The following LY6G6C variants were observed in gnomAD, a reference collection of about 807,000 sequenced individuals.
LY6G6C encodes lymphocyte antigen 6 complex locus protein G6c.
A neutral mutation model predicts 12.8 loss-of-function variants in LY6G6C; 12 were observed. The observed-to-expected ratio is 0.94, with a 90% confidence interval of 0.60 to 1.52. LY6G6C has a LOEUF of 1.52. Among genes scored for constraint, LY6G6C ranks in the 40% most tolerant of loss-of-function variants. LY6G6C has a pLI of 0.00. For missense variants in LY6G6C, 125 were observed against 155.8 expected (o/e 0.80, Z 1.05); for synonymous variants, 42 against 61.6 (o/e 0.68, Z 1.49).
intron 1 of LY6G6C, 97 bp downstream of exon 1, chr6:31,721,531 G>T (rs1228669361): frequency 4.4e-6 from 5 of 1,140,872 alleles, no homozygotes; most frequent in Non-Finnish European, 6.4e-6. Flanking sequence ...TGGGGGTGTT[G>T]GGATCCCGAG....
In LY6G6C at chr6:31,718,846, T is replaced by G; in HGVS notation, c.*250A>C. On this transcript the variant is annotated 3_prime_UTR_variant, in exon 3 of 3. Coordinates refer to ENST00000375819, the MANE Select transcript of LY6G6C (RefSeq NM_025261.3). ...TCCTCAAGTAGGGGACAGCAGAGTA[T>G]AGGAAGCAAAGTGGGGAGCCCTTCT... 1.8e-6 allele frequency: 1 copy of G among 566,408 alleles called. No individual in the cohort carries two copies. The highest frequency in any genetic ancestry group is 3.1e-6 in the Non-Finnish European group (1 of 318,044). 35.1% of individuals were successfully genotyped at this position (566,408 alleles called of 1,614,324 possible).
chr6:31,719,360 C>A, intron 2 of LY6G6C, 50 bp from the exon 3 acceptor site: 2 of 1,513,340 alleles, frequency 1.3e-6, no homozygotes, highest in Non-Finnish European at 1.8e-6. Flanking sequence ...ACCTGGCATG[C>A]CTGTGTCCAC....
chr6:31,720,001 T>C lies in LY6G6C; in HGVS notation c.163+92A>G. Reference sequence around the variant, plus strand: ...ATTATCATTGCTATAATCCTCTGCTTCTCCATCTCAGTCTTAGACCCATTT... The same window carrying C: ...ATTATCATTGCTATAATCCTCTGCTCCTCCATCTCAGTCTTAGACCCATTT... On this transcript the variant is annotated intron_variant, in intron 2 of 2. Coordinates refer to ENST00000375819, the MANE Select transcript of LY6G6C (RefSeq NM_025261.3). The surrounding 1 kb of genome is among the most constrained non-coding windows in gnomAD (Gnocchi z 4.9). 1 of 789,862 alleles carries C rather than the reference T, an allele frequency of 1.3e-6. No homozygotes were observed. The allele number at this position is 789,862 out of a possible 1,614,324, so 48.9% of individuals were successfully genotyped here. A position where few individuals can be genotyped will look rare whatever the true frequency, so the allele number is the denominator to read the frequency against.
intron 2 of LY6G6C, 40 bp from the exon 3 acceptor site, chr6:31,719,350 ACCTGGCATG>A: frequency 6.4e-7 from 1 of 1,571,362 alleles, no homozygotes; most frequent in South Asian, 1.1e-5. Flanking sequence ...CAGGATGGGC[ACCTGGCATG>A]CCTGTGTCCA....
chr6:31,719,472 A>G (rs1451829812), intron 2 of LY6G6C, among the ~76,000 whole-genome samples, 162 bp from the exon 3 acceptor site: 1 of 150,432 alleles, frequency 6.6e-6, no homozygotes, highest in African/African-American at 2.5e-5. Context: ...GCACATCCTT[A>G]CCCACCACTC....
chr6:31,718,986 G>T lies in LY6G6C; in HGVS notation c.*110C>A. On this transcript the variant is annotated 3_prime_UTR_variant, in exon 3 of 3. Transcript: ENST00000375819. ...CCACTCGGAACAGTGTTTAATTAAA[G>T]AAATGGGAGCTAGGGAGAGACGATT... 2.2e-6 allele frequency: 2 copies of T among 899,734 alleles called. No individual in the cohort carries two copies. The highest frequency in any genetic ancestry group is 3.5e-6 in the Non-Finnish European group (2 of 568,258). 55.7% of individuals were successfully genotyped at this position (899,734 alleles called of 1,614,324 possible).
At chr6:31,719,452 T>G (rs527788828) in intron 2 of LY6G6C, 142 bp from the exon 3 acceptor site, 5 of 685,760 alleles carry the variant, frequency 7.3e-6, no homozygotes, top group South Asian at 6.9e-5. Flanking sequence ...CTTAGTCTGA[T>G]CTTCCTTCTG....
rs774700588 is a variant in LY6G6C, at chr6:31,719,102, C to T, written c.372G>A (p.Leu124=). 1.9e-6 allele frequency: 3 copies of T among 1,613,340 alleles called. No homozygotes were observed. Among genetic ancestry groups the T allele is most frequent in the South Asian group, 1.1e-5 (1 of 91,052 alleles). ...TSLAGLGLWL[L]H ...GCAGCCAATGGAATGAGTCTCAGTG[C>T]AGCAGCCAGAGGCCAAGGCCAGCCA... The change falls in exon 3 of 3, where the codon CTG becomes CTA. Residue 124 remains leucine, a synonymous_variant. Coordinates refer to ENST00000375819, the MANE Select transcript of LY6G6C (RefSeq NM_025261.3).
Position 31,720,268 on chromosome 6 carries a change from G to A in LY6G6C, c.53-65C>T. Reference sequence around the variant, plus strand: ...GACTTACCTGGGGATAAGCTGAGCTGGGGGCAGGGGTGGAGGGTGGAGAAG... The same window carrying A: ...GACTTACCTGGGGATAAGCTGAGCTAGGGGCAGGGGTGGAGGGTGGAGAAG... On this transcript the variant is annotated intron_variant, in intron 1 of 2. Transcript: ENST00000375819. The surrounding 1 kb of genome is among the most constrained non-coding windows in gnomAD (Gnocchi z 4.9). 8.5e-7 allele frequency: 1 copy of A among 1,183,430 alleles called. No homozygotes were observed. The highest frequency in any genetic ancestry group is 1.3e-6 in the Non-Finnish European group (1 of 797,422). 73.3% of individuals were successfully genotyped at this position (1,183,430 alleles called of 1,614,324 possible). A position where few individuals can be genotyped will look rare whatever the true frequency, so the allele number is the denominator to read the frequency against.
chr6:31,721,556 G>C, intron 1 of LY6G6C, 72 bp downstream of exon 1: 3 of 1,440,900 alleles, frequency 2.1e-6, no homozygotes, highest in Non-Finnish European at 9.7e-7. Context: ...GGGTAGGGCC[G>C]GGAAGTGGGT....
At position 31,720,327 on chromosome 6, in the gene LY6G6C, T is replaced by C; in HGVS notation, c.53-124A>G. 2 of 662,402 alleles carry C rather than the reference T, an allele frequency of 3.0e-6. No individual in the cohort carries two copies. The highest frequency in any genetic ancestry group is 3.5e-5 in the South Asian group (2 of 56,426). The allele number at this position is 662,402 out of a possible 1,614,324, so 41.0% of individuals were successfully genotyped here. ...CCGTAGGTGCTCCAACCTGTTTGGC[T>C]GTTTGGTCTAGCAAGCACAGAGCAG... On this transcript the variant is annotated intron_variant, in intron 1 of 2. Transcript: ENST00000375819. This position sits in a 1 kb window ranked among gnomAD's most constrained non-coding sequence, Gnocchi z 4.9.
At chr6:31,721,584 T>A (rs1259125973) in intron 1 of LY6G6C, 44 bp downstream of exon 1, 2 of 1,589,730 alleles carry the variant, frequency 1.3e-6, no homozygotes, top group Non-Finnish European at 8.6e-7. Flanking sequence ...GGTGTAAAGG[T>A]CCTGACCAGG....
chr6:31,721,471 C>T (rs1204480489), intron 1 of LY6G6C, among the ~76,000 whole-genome samples, 157 bp downstream of exon 1: 2 of 151,790 alleles, frequency 1.3e-5, no homozygotes, highest in Non-Finnish European at 2.9e-5. Context: ...AGGAGGCTGT[C>T]ATAGGGAAGC....
At chr6:31,719,343 G>C (rs764096842) in intron 2 of LY6G6C, 33 bp from the exon 3 acceptor site, 1 of 1,597,442 alleles carries the variant, frequency 6.3e-7, no homozygotes, top group Admixed American at 1.7e-5. Flanking sequence ...AATCGGCCAG[G>C]ATGGGCACCT....
At position 31,720,061 on chromosome 6, in the gene LY6G6C, C is replaced by T; in HGVS notation, c.163+32G>A. 2.6e-6 allele frequency: 4 copies of T among 1,514,754 alleles called. No homozygotes were observed. The highest frequency in any genetic ancestry group is 3.7e-6 in the Non-Finnish European group (4 of 1,091,806). 93.8% of individuals were successfully genotyped at this position (1,514,754 alleles called of 1,614,324 possible). A position where few individuals can be genotyped will look rare whatever the true frequency, so the allele number is the denominator to read the frequency against. Reference sequence around the variant, plus strand: ...TCCTGGTCATAGAGGCTCCCACCTCCCTGTTCACCCCACTAAGGAAGGGGA... The same window carrying T: ...TCCTGGTCATAGAGGCTCCCACCTCTCTGTTCACCCCACTAAGGAAGGGGA... On this transcript the variant is annotated intron_variant, in intron 2 of 2. Transcript: ENST00000375819. This position sits in a 1 kb window ranked among gnomAD's most constrained non-coding sequence, Gnocchi z 4.9.
chr6:31,719,410 C>T, intron 2 of LY6G6C, 100 bp from the exon 3 acceptor site: 2 of 971,742 alleles, frequency 2.1e-6, no homozygotes, highest in Non-Finnish European at 3.3e-6. Context: ...CCTTCCTTCC[C>T]AACTCTGTCC....
chr6:31,720,277 G>T lies in LY6G6C; in HGVS notation c.53-74C>A. 9.6e-7 allele frequency: 1 copy of T among 1,040,516 alleles called. No homozygotes were observed. Among genetic ancestry groups the T allele is most frequent in the Non-Finnish European group, 1.5e-6 (1 of 674,782 alleles). 64.5% of individuals were successfully genotyped at this position (1,040,516 alleles called of 1,614,324 possible). On this transcript the variant is annotated intron_variant, in intron 1 of 2. Transcript: ENST00000375819. The surrounding 1 kb of genome is among the most constrained non-coding windows in gnomAD (Gnocchi z 4.9). ...GGGGATAAGCTGAGCTGGGGGCAGG[G>T]GTGGAGGGTGGAGAAGAGCCCATCC...
In LY6G6C at chr6:31,718,952, A is replaced by G; in HGVS notation, c.*144T>C. 4.4e-6 allele frequency: 3 copies of G among 681,418 alleles called. No individual in the cohort carries two copies. Among genetic ancestry groups the G allele is most frequent in the Non-Finnish European group, 7.5e-6 (3 of 399,298 alleles). 42.2% of individuals were successfully genotyped at this position (681,418 alleles called of 1,614,324 possible). A position where few individuals can be genotyped will look rare whatever the true frequency, so the allele number is the denominator to read the frequency against. On this transcript the variant is annotated 3_prime_UTR_variant, in exon 3 of 3. Transcript: ENST00000375819. ...GAAGGGTGTGAGGTGGGAAGGATGG[A>G]TGAGGAGACCACTCGGAACAGTGTT... is the stretch of plus-strand genomic sequence containing the variant.
chr6:31,719,947 G>A, intron 2 of LY6G6C, 146 bp downstream of exon 2: 3 of 601,444 alleles, frequency 5.0e-6, no homozygotes, highest in Non-Finnish European at 9.0e-6. Context: ...ATAGGATGTT[G>A]CCTGGCACAC....
Sources: gnomAD v4.1 joint callset for allele counts (sites outside exome capture counted in the v4.1 genomes callset) on GRCh38, gnomAD v4.1.1 for gene constraint, Gnocchi (gnomAD v3.1) non-coding constraint, MANE v1.5 for transcripts, NCBI Gene and HGNC (gene_info 2026-07-23, HGNC 2026-07-21) for gene names.